The following MST1 variants were observed in gnomAD, a reference collection of about 807,000 sequenced individuals.
MST1 encodes macrophage stimulating 1, also known as hepatocyte growth factor-like protein.
Under a neutral mutation model 100.1 loss-of-function variants are expected in MST1, and 76 were observed. That is an observed-to-expected ratio of 0.76 (90% CI 0.63 to 0.92). The LOEUF (loss-of-function observed/expected upper bound fraction) is 0.92, where lower values mean the gene tolerates loss of function less well. MST1 is among the 40% of genes least tolerant of loss of function. The probability of loss-of-function intolerance (pLI) is 0.00; values close to 1 mark genes in which losing one functional copy is unlikely to be tolerated. For synonymous variants in MST1, 352 were observed against 385.4 expected (o/e 0.91, Z 1.01); for missense variants, 850 against 990.0 (o/e 0.86, Z 1.90).
chr3:49,684,266 C>T (rs1164365021), intron 17 of MST1, 48 bp downstream of exon 17: 1 of 1,610,166 alleles, frequency 6.2e-7, no homozygotes, highest in Admixed American at 1.7e-5. Flanking sequence ...TAGTTCATTT[C>T]TAGCCCCCCA....
rs772597116 is a variant in MST1, at chr3:49,684,588, C to T, written c.1838G>A (p.Gly613Glu). 1.2e-6 allele frequency: 2 copies of T among 1,613,772 alleles called. No individual in the cohort carries two copies. Among genetic ancestry groups the T allele is most frequent in the South Asian group, 2.2e-5 (2 of 91,078 alleles). The change falls in exon 16 of 18, where the codon GGG (glycine) becomes GAG (glutamate). Residue 613 changes from glycine to glutamate, a missense_variant. Gly to Glu is a moderately conservative substitution (Grantham distance 98). Transcript: ENST00000449682. The stretch of plus-strand genomic sequence containing the variant: ...CCAGCCTGCAATCTCACACTTGGTC[C>T]CTGGAGGCACCACATACCATTCAGG... ...LPPEWYVVPP[G>E]TKCEIAGWGE...
chr3:49,685,153 T>A, intron 13 of MST1, 64 bp from the exon 14 acceptor site: 1 of 1,596,438 alleles, frequency 6.3e-7, no homozygotes, highest in Admixed American at 1.7e-5. Flanking sequence ...CCTGCCATCT[T>A]CTGGCTAGGA....
Position 49,684,034 on chromosome 3 carries a change from C to T in MST1, c.2172G>A (p.Leu724=), listed in dbSNP as rs771362021. ...TATGGCATCAAGGCTGGGCCTAACC[C>T]AGTCTCATGACCTTGTGAATCCAGT... ...FVDWIHKVMR[L]G The change falls in exon 18 of 18, where the codon CTG becomes CTA. Residue 724 remains leucine (L), a synonymous_variant. Transcript: ENST00000449682. 3.7e-6 allele frequency: 6 copies of T among 1,613,020 alleles called. No individual in the cohort carries two copies. Among genetic ancestry groups the T allele is most frequent in the Non-Finnish European group, 4.2e-6 (5 of 1,179,510 alleles).
In MST1 at chr3:49,685,274, C is replaced by T. The variant is rs780161891; in HGVS notation, c.1532G>A (p.Ser511Asn). 5 of 1,613,384 alleles carry T rather than the reference C, an allele frequency of 3.1e-6. No homozygotes were observed. Among genetic ancestry groups the T allele is most frequent in the Non-Finnish European group, 4.2e-6 (5 of 1,179,848 alleles). Reference sequence around the variant, plus strand: ...AGTTGTGCCTCACCGATTCCGCAAGCTGACTGTCCAGGGTGAGTTGCCCGG... The same window carrying T: ...AGTTGTGCCTCACCGATTCCGCAAGTTGACTGTCCAGGGTGAGTTGCCCGG... ...GHPGNSPWTV[S>N]LRNRQGQHFC... The change falls in exon 13 of 18, where the codon AGC becomes AAC. Residue 511 changes from serine to asparagine, a missense_variant. Transcript: ENST00000449682.
At position 49,684,306 on chromosome 3, in the gene MST1, C is replaced by T. The variant is rs1343912309; in HGVS notation, c.2016+8G>A. The T allele has an allele frequency of 1.2e-6, 2 of 1,612,906 alleles. No homozygotes were observed. The highest frequency in any genetic ancestry group is 1.7e-6 in the Non-Finnish European group (2 of 1,179,796). On this transcript the variant is annotated splice_region_variant and intron_variant, in intron 17 of 17. Transcript: ENST00000449682. The stretch of plus-strand genomic sequence containing the variant: ...CTTCCAGGGCTGGCCCAGGGCCCTG[C>T]CACCAACCTCACAGGCCCCCACAGG...
In MST1 at chr3:49,685,284, A is replaced by T. The variant is rs1476065682; in HGVS notation, c.1522T>A (p.Trp508Arg). 1 of 1,613,420 alleles carries T rather than the reference A, an allele frequency of 6.2e-7. No homozygotes were observed. Among genetic ancestry groups the T allele is most frequent in the African/African-American group, 1.3e-5 (1 of 75,064 alleles). Reference protein sequence around the residue: ...VVGGHPGNSPWTVSLRNRQGQ... With the variant: ...VVGGHPGNSPRTVSLRNRQGQ... Reference sequence around the variant, plus strand: ...CACCGATTCCGCAAGCTGACTGTCCAGGGTGAGTTGCCCGGATGGCCCCCA... The same window carrying T: ...CACCGATTCCGCAAGCTGACTGTCCTGGGTGAGTTGCCCGGATGGCCCCCA... Residue 508 changes from tryptophan (W) to arginine (R), a missense_variant, in exon 13 of 18, where the codon TGG (tryptophan) becomes AGG (arginine). Coordinates refer to ENST00000449682, the MANE Select transcript of MST1 (RefSeq NM_020998.4).
intron 11 of MST1, 34 bp downstream of exon 11, chr3:49,685,562 G>A: frequency 6.2e-7 from 1 of 1,613,330 alleles, no homozygotes; most frequent in South Asian, 1.1e-5. Flanking sequence ...GGGGGCTGAG[G>A]CAGGGTCATG....
In MST1 at chr3:49,686,456, C is replaced by T; in HGVS notation, c.873G>A (p.Glu291=). ...CGCGGAAGCAGCTGACAGTTGTGGC[C>T]TCTTGGCGGGGCTGTGCCTCGGACC... The part of the protein sequence containing the change: ...RCGSEAQPRQ[E]ATTVSCFRGK... Residue 291 remains glutamate (E), a synonymous_variant, in exon 8 of 18, where the codon GAG becomes GAA. Coordinates refer to ENST00000449682, the MANE Select transcript of MST1 (RefSeq NM_020998.4). 1.2e-6 allele frequency: 2 copies of T among 1,612,786 alleles called. No individual in the cohort carries two copies. The highest frequency in any genetic ancestry group is 1.7e-6 in the Non-Finnish European group (2 of 1,179,840).
chr3:49,686,078 G>A lies in MST1; in HGVS notation c.1131C>T (p.Asp377=), dbSNP rs770411107. The A allele has an allele frequency of 9.3e-6, 15 of 1,610,530 alleles. No homozygotes were observed. In the Middle Eastern group the frequency reaches 1.4e-3, roughly 149 times the overall value. The stretch of plus-strand genomic sequence containing the variant: ...GGGCCTCACCCTGGGGCCGCACGTC[G>A]TCTGTACAACGCCGGATCTGGTAGC... The part of the protein sequence containing the change: ...AFCYQIRRCT[D]DVRPQDCYHG... Residue 377 remains aspartate, a synonymous_variant, in exon 9 of 18, where the codon GAC becomes GAT. Coordinates refer to ENST00000449682, the MANE Select transcript of MST1 (RefSeq NM_020998.4).
At chr3:49,684,944 T>G in intron 14 of MST1, 60 bp from the exon 15 acceptor site, 1 of 1,613,484 alleles carries the variant, frequency 6.2e-7, no homozygotes, top group South Asian at 1.1e-5. Flanking sequence ...CAAGGCTCAC[T>G]TGTTAGCTTG....
rs761747323 is a variant in MST1 at position 49,687,106 on chromosome 3, G to A, written c.608-39C>T. 5.0e-6 allele frequency: 8 copies of A among 1,612,824 alleles called. No homozygotes were observed. In the South Asian group the frequency reaches 8.8e-5, roughly 18 times the overall value. ...GCCAGTGGGTTCGTGGATGGACGTG[G>A]GCTTGTCCCTCCACTCTCCCAGCTT... On this transcript the variant is annotated intron_variant, in intron 5 of 17. Coordinates refer to ENST00000449682, the MANE Select transcript of MST1 (RefSeq NM_020998.4).
chr3:49,688,630 A>G lies in MST1; in HGVS notation c.62T>C (p.Leu21Pro). The G allele has an allele frequency of 1.2e-6, 2 of 1,612,246 alleles. No individual in the cohort carries two copies. The highest frequency in any genetic ancestry group is 1.1e-5 in the South Asian group (1 of 90,558). The stretch of plus-strand genomic sequence containing the variant: ...CCCTAAGCATTGAGTCAGAAGCAGC[A>G]GGAGTGGGAGCCACCCCATCCTTCT... ...PARRMGWLPL[L>P]LLLTQCLGVP... The change falls in exon 1 of 18, where the codon CTG (leucine) becomes CCG (proline). Residue 21 changes from leucine (L) to proline (P), a missense_variant. Transcript: ENST00000449682.
chr3:49,686,289 G>GCCCCCACCCCCCCCCCCCCC, intron 8 of MST1, 24 bp downstream of exon 8: 2 of 1,235,666 alleles, frequency 1.6e-6, no homozygotes, highest in Non-Finnish European at 2.1e-6. Flanking sequence ...ACGTCCCAAC[G>GCCCCCACCCCCCCCCCCCCC]CCCGCCCCCC....
In MST1 at chr3:49,684,567, C is replaced by T; in HGVS notation, c.1859G>A (p.Gly620Asp). Residue 620 changes from glycine (G) to aspartate (D), a missense_variant, in exon 16 of 18, where the codon GGC (glycine) becomes GAC (aspartate). Physicochemically the swap from Gly to Asp is moderately conservative, Grantham distance 94. This residue lies in a region of MST1 where 816 missense variants were observed against 924.6 expected (regional missense o/e 0.88). Transcript: ENST00000449682. ...GCTCTTACCTTTGGTCTCACCCCAG[C>T]CTGCAATCTCACACTTGGTCCCTGG... Reference protein sequence around the residue: ...VPPGTKCEIAGWGETKGTGND... With the variant: ...VPPGTKCEIADWGETKGTGND... 1 of 1,613,820 alleles carries T rather than the reference C, an allele frequency of 6.2e-7. No individual in the cohort carries two copies. The highest frequency in any genetic ancestry group is 1.1e-5 in the South Asian group (1 of 91,078).
Position 49,687,086 on chromosome 3 carries a change from T to G in MST1, c.608-19A>C. On this transcript the variant is annotated intron_variant, in intron 5 of 17. Coordinates refer to ENST00000449682, the MANE Select transcript of MST1 (RefSeq NM_020998.4). ...CACGCGGCTGGAGACAAAGAGCCAGTGGGTTCGTGGATGGACGTGGGCTTG... is the reference window on the plus strand; with the variant it reads ...CACGCGGCTGGAGACAAAGAGCCAGGGGGTTCGTGGATGGACGTGGGCTTG... 3 of 1,612,648 alleles carry G rather than the reference T, an allele frequency of 1.9e-6. No homozygotes were observed. Among genetic ancestry groups the G allele is most frequent in the Non-Finnish European group, 2.5e-6 (3 of 1,179,786 alleles).
At chr3:49,688,250 C>T (rs1036308155) in intron 1 of MST1, 1 of 476,840 alleles carries the variant, frequency 2.1e-6, no homozygotes, top group Non-Finnish European at 3.8e-6. Context: ...ATTACCCAGC[C>T]AGGGGCCCTG....
At position 49,685,969 on chromosome 3, in the gene MST1, C is replaced by T. The variant is rs1163395218; in HGVS notation, c.1148-7G>A. On this transcript the variant is annotated splice_polypyrimidine_tract_variant and splice_region_variant and intron_variant, in intron 9 of 17. Coordinates refer to ENST00000449682, the MANE Select transcript of MST1 (RefSeq NM_020998.4). ...CCTGCGCCGTGGTAGCAGTCTGTGG[C>T]GGGTGCGGGCAGCCATCAGGCCGAG... is the stretch of plus-strand genomic sequence containing the variant. 1.9e-6 allele frequency: 3 copies of T among 1,605,660 alleles called. No individual in the cohort carries two copies. Among genetic ancestry groups the T allele is most frequent in the East Asian group, 2.2e-5 (1 of 44,678 alleles).
Position 49,683,967 on chromosome 3 carries a change from A to G in MST1, c.*61T>C, listed in dbSNP as rs970282724. 6 of 1,579,648 alleles carry G rather than the reference A, an allele frequency of 3.8e-6. No individual in the cohort carries two copies. In the Admixed American group the frequency reaches 5.3e-5, roughly 14 times the overall value. The stretch of plus-strand genomic sequence containing the variant: ...ATCTGTACAGGCATAAAGAGGAAAC[A>G]TGGCTTTATGTCTGACAAGAAGTTT... On this transcript the variant is annotated 3_prime_UTR_variant, in exon 18 of 18. Coordinates refer to ENST00000449682, the MANE Select transcript of MST1 (RefSeq NM_020998.4).
intron 7 of MST1, 38 bp from the exon 8 acceptor site, chr3:49,686,519 G>A: frequency 6.2e-7 from 1 of 1,607,290 alleles, no homozygotes; most frequent in Non-Finnish European, 8.5e-7. Flanking sequence ...CCGAGCGAGA[G>A]CTGAGATCCC....
Sources: gnomAD v4.1 joint callset for allele counts on GRCh38, gnomAD v4.1.1 for gene constraint, gnomAD v4.1.1 regional missense constraint, MANE v1.5 for transcripts, NCBI Gene and HGNC (gene_info 2026-07-23, HGNC 2026-07-21) for gene names.